Variants in ATP8A2 observed in about 807,000 individuals in gnomAD.
ATP8A2 encodes ATPase phospholipid transporting 8A2.
ATP8A2 carries 100 observed loss-of-function variants against 165.6 expected under a neutral mutation model. The ratio of observed to expected loss-of-function variants is 0.60; its 90% CI spans 0.51 to 0.71. The LOEUF (loss-of-function observed/expected upper bound fraction) is 0.71, where lower values mean the gene tolerates loss of function less well. Among genes scored for constraint, ATP8A2 ranks in the 30% least tolerant of loss-of-function variants. The probability of loss-of-function intolerance (pLI) is 0.00; values close to 1 mark genes in which losing one functional copy is unlikely to be tolerated. For missense variants in ATP8A2, 1,227 were observed against 1,479.5 expected (o/e 0.83, Z 2.80); for synonymous variants, 543 against 548.8 (o/e 0.99, Z 0.15).
intron 33 of ATP8A2, among the ~76,000 whole-genome samples, chr13:25,903,052 G>T (rs1026401499): frequency 6.6e-6 from 1 of 151,838 alleles, no homozygotes; most frequent in Non-Finnish European, 1.5e-5. Flanking sequence ...GGAGGCGGAG[G>T]TTGCAGTGAG....
At chr13:25,668,446 C>G (rs2042199482) in intron 24 of ATP8A2, among the ~76,000 whole-genome samples, 1 of 152,030 alleles carries the variant, frequency 6.6e-6, no homozygotes. Flanking sequence ...TTTCTGTTTT[C>G]AAGATTCTCT....
intron 34 of ATP8A2, among the ~76,000 whole-genome samples, chr13:25,964,971 C>G (rs1955746298): frequency 6.6e-6 from 1 of 152,172 alleles, no homozygotes; most frequent in Admixed American, 6.5e-5. Flanking sequence ...ATCAGCCCGG[C>G]CAACATGGTG....
In ATP8A2 at chr13:25,862,314, C is replaced by T. The variant is rs762392870; in HGVS notation, c.3089C>T (p.Ala1030Val). The change falls in exon 33 of 37, where the codon GCT becomes GTT. Residue 1030 changes from alanine to valine, a missense_variant. By Grantham distance (64) the Ala-to-Val change is moderately conservative. Around this residue, in one of 5 missense-constraint regions of ATP8A2, gnomAD observed 260 missense variants for 245.1 expected, o/e 1.06. Coordinates refer to ENST00000381655, the MANE Select transcript of ATP8A2 (RefSeq NM_016529.6). ...TTCCCTCTGCAGTTCAGTCATCTGG[C>T]TGTCTGGGGAAGCATGCTGACCTGG... ...TTAWTKFSHL[A>V]VWGSMLTWLV... 1.2e-6 allele frequency: 2 copies of T among 1,613,924 alleles called. No homozygotes were observed. Among genetic ancestry groups the T allele is most frequent in the Non-Finnish European group, 1.7e-6 (2 of 1,179,836 alleles).
intron 27 of ATP8A2, among the ~76,000 whole-genome samples, chr13:25,809,376 A>G (rs1950812069): frequency 6.6e-6 from 1 of 152,134 alleles, no homozygotes; most frequent in Non-Finnish European, 1.5e-5. Flanking sequence ...TAAAATGAAA[A>G]TCTATATTGC....
intron 1 of ATP8A2, among the ~76,000 whole-genome samples, chr13:25,404,791 G>A (rs2033747549): frequency 6.6e-6 from 1 of 152,140 alleles, no homozygotes. Context: ...ATCTGAGGGT[G>A]TGGTGCTGGA....
At chr13:25,711,447 T>A (rs1406026742) in intron 25 of ATP8A2, among the ~76,000 whole-genome samples, 2 of 152,154 alleles carry the variant, frequency 1.3e-5, no homozygotes, top group African/African-American at 4.8e-5. Flanking sequence ...TGGTGACTCA[T>A]TTCTGTAATC....
intron 35 of ATP8A2, among the ~76,000 whole-genome samples, chr13:25,976,546 C>A (rs1378745439): frequency 6.6e-6 from 1 of 152,012 alleles, no homozygotes; most frequent in East Asian, 1.9e-4. Context: ...GGGGTGCTTA[C>A]CTTCTAGCAT....
chr13:25,624,036 T>C (rs1253925844), intron 24 of ATP8A2, among the ~76,000 whole-genome samples: 1 of 152,162 alleles, frequency 6.6e-6, no homozygotes, highest in African/African-American at 2.4e-5. Flanking sequence ...TAGTTAAGAC[T>C]TCATGGTAGA....
chr13:25,895,305 T>C (rs1225167547), intron 33 of ATP8A2, among the ~76,000 whole-genome samples: 1 of 152,224 alleles, frequency 6.6e-6, no homozygotes, highest in Non-Finnish European at 1.5e-5. Flanking sequence ...GTGGTTTTTG[T>C]CTTTGGTTCT....
At chr13:25,776,988 A>G (rs1391316994) in intron 27 of ATP8A2, among the ~76,000 whole-genome samples, 2 of 151,458 alleles carry the variant, frequency 1.3e-5, no homozygotes, top group African/African-American at 2.4e-5. Context: ...TTTTTACTTC[A>G]AGTGGGCTGA....
At chr13:25,548,070 CA>C (rs1466663669) in intron 10 of ATP8A2, among the ~76,000 whole-genome samples, 1 of 151,928 alleles carries the variant, frequency 6.6e-6, no homozygotes, top group Non-Finnish European at 1.5e-5. Flanking sequence ...ACTAAAAATA[CA>C]AAAAATTAGC....
In ATP8A2 at chr13:25,541,971, C is replaced by T. The variant is rs1367548308; in HGVS notation, c.704C>T (p.Ser235Phe). ...ACACGTGAAGTTCTGATGAAGTTAT[C>T]TGGAACTATAGAGTGTGAAGGGCCC... is the stretch of plus-strand genomic sequence containing the variant. ...MQTREVLMKL[S>F]GTIECEGPNR... Residue 235 changes from serine (S) to phenylalanine (F), a missense_variant, in exon 9 of 37, where the codon TCT becomes TTT. Around this residue, in one of 5 missense-constraint regions of ATP8A2, gnomAD observed 356 missense variants for 394.9 expected, o/e 0.90. Transcript: ENST00000381655. 2 of 1,614,058 alleles carry T rather than the reference C, an allele frequency of 1.2e-6. No individual in the cohort carries two copies. Among genetic ancestry groups the T allele is most frequent in the Admixed American group, 1.7e-5 (1 of 60,020 alleles).
chr13:25,839,797 G>A (rs145278546), intron 30 of ATP8A2, among the ~76,000 whole-genome samples, 173 bp downstream of exon 30: 1 of 152,246 alleles, frequency 6.6e-6, no homozygotes, highest in African/African-American at 2.4e-5. Context: ...ATAGCTGTTA[G>A]GTTTCATCAG....
intron 24 of ATP8A2, among the ~76,000 whole-genome samples, chr13:25,681,636 A>G (rs1046399000): frequency 6.6e-5 from 10 of 152,222 alleles, no homozygotes; most frequent in African/African-American, 1.9e-4. Flanking sequence ...GTGGAAAAAG[A>G]AAAATAGAGG....
At chr13:25,395,451 T>C (rs1027122136) in intron 1 of ATP8A2, among the ~76,000 whole-genome samples, 6 of 152,146 alleles carry the variant, frequency 3.9e-5, no homozygotes, top group African/African-American at 1.4e-4. Context: ...GGCAGATTAC[T>C]TGGAGAAAAG....
chr13:25,557,187 A>G (rs2138091153), intron 13 of ATP8A2, among the ~76,000 whole-genome samples: 1 of 152,270 alleles, frequency 6.6e-6, no homozygotes. Flanking sequence ...AATTGTGTAT[A>G]TTCATATAAG....
chr13:25,605,769 T>C (rs2040500686), intron 24 of ATP8A2, among the ~76,000 whole-genome samples: 1 of 152,220 alleles, frequency 6.6e-6, no homozygotes, highest in Non-Finnish European at 1.5e-5. Context: ...TTTCTGTGAT[T>C]TATTTAAACC....
intron 33 of ATP8A2, among the ~76,000 whole-genome samples, chr13:25,948,486 A>G (rs969189398): frequency 2.0e-5 from 3 of 152,200 alleles, no homozygotes; most frequent in African/African-American, 7.2e-5. Flanking sequence ...TAGTTAAGTA[A>G]CGAGTCAATG....
chr13:25,958,882 A>C (rs1274134500), intron 33 of ATP8A2, among the ~76,000 whole-genome samples: 1 of 152,200 alleles, frequency 6.6e-6, no homozygotes, highest in Non-Finnish European at 1.5e-5. Flanking sequence ...TCAGCAACTA[A>C]AGTTCTGAGT....
Sources: gnomAD v4.1 joint callset for allele counts (sites outside exome capture counted in the v4.1 genomes callset) on GRCh38, gnomAD v4.1.1 for gene constraint, gnomAD v4.1.1 regional missense constraint, MANE v1.5 for transcripts, NCBI Gene and HGNC (gene_info 2026-07-23, HGNC 2026-07-21) for gene names.